CNTNAP5: variants seen among roughly 807,000 people sequenced by gnomAD.
The protein encoded by CNTNAP5 is contactin associated protein family member 5, also known as contactin-associated protein-like 5.
CNTNAP5 carries 72 observed loss-of-function variants against 150.2 expected under a neutral mutation model. The observed-to-expected ratio is 0.48, with a 90% CI of 0.40 to 0.58. CNTNAP5 has a LOEUF of 0.58. CNTNAP5 is among the 20% of genes least tolerant of loss of function. The pLI, the probability that CNTNAP5 is intolerant of heterozygous loss-of-function variation, is 0.00. For synonymous variants in CNTNAP5, 672 were observed against 619.8 expected (o/e 1.08, Z -1.25); for missense variants, 1,636 against 1,626.2 (o/e 1.01, Z -0.10).
intron 1 of CNTNAP5, among the ~76,000 whole-genome samples, chr2:124,126,039 C>T (rs1261450175): frequency 6.6e-6 from 1 of 152,036 alleles, no homozygotes; most frequent in Admixed American, 6.6e-5. Context: ...CAAAAGCTAG[C>T]AGAAGGCAAG....
At chr2:124,476,520 T>C (rs1281330812) in intron 7 of CNTNAP5, among the ~76,000 whole-genome samples, 1 of 146,074 alleles carries the variant, frequency 6.8e-6, no homozygotes, top group African/African-American at 2.8e-5. Context: ...AAACCATCTC[T>C]GAGACTGCTC....
At chr2:124,892,456 C>T (rs1678212726) in intron 21 of CNTNAP5, among the ~76,000 whole-genome samples, 1 of 152,060 alleles carries the variant, frequency 6.6e-6, no homozygotes, top group Admixed American at 6.5e-5. Context: ...TACTGGCAGC[C>T]ACCTCATCAT....
At chr2:124,840,815 C>G (rs1236440484) in intron 19 of CNTNAP5, among the ~76,000 whole-genome samples, 3 of 152,036 alleles carry the variant, frequency 2.0e-5, no homozygotes, top group African/African-American at 7.2e-5. Flanking sequence ...ATGAAAGTGC[C>G]TGGAGCCAGC....
chr2:124,515,521 T>G (rs945918046), intron 8 of CNTNAP5, among the ~76,000 whole-genome samples: 10 of 132,102 alleles, frequency 7.6e-5, no homozygotes, highest in Non-Finnish European at 1.5e-4. Flanking sequence ...ATTAACTTAC[T>G]AATTTATTCA....
chr2:124,104,934 A>G (rs1333677121), intron 1 of CNTNAP5, among the ~76,000 whole-genome samples: 1 of 151,532 alleles, frequency 6.6e-6, no homozygotes, highest in Non-Finnish European at 1.5e-5. Flanking sequence ...GTGCATAATC[A>G]TATACAGTTA....
chr2:124,062,403 C>A (rs972792922), intron 1 of CNTNAP5, among the ~76,000 whole-genome samples: 4 of 152,140 alleles, frequency 2.6e-5, no homozygotes, highest in African/African-American at 9.7e-5. Flanking sequence ...TACAATTGTA[C>A]TCAGTTGTTT....
chr2:124,835,894 G>A (rs577862298), intron 19 of CNTNAP5, among the ~76,000 whole-genome samples: 8 of 152,018 alleles, frequency 5.3e-5, no homozygotes, highest in Non-Finnish European at 1.2e-4. Context: ...TGTATCTCTT[G>A]TCCTAGATCA....
intron 3 of CNTNAP5, among the ~76,000 whole-genome samples, chr2:124,253,505 C>A (rs1209684553): frequency 6.6e-6 from 1 of 152,144 alleles, no homozygotes; most frequent in African/African-American, 2.4e-5. Flanking sequence ...AGCTGCCTTA[C>A]TTTAAAAAGC....
intron 3 of CNTNAP5, among the ~76,000 whole-genome samples, chr2:124,382,586 C>T (rs978040368): frequency 3.3e-5 from 5 of 152,122 alleles, no homozygotes; most frequent in African/African-American, 1.2e-4. Flanking sequence ...TGGGTTTTTG[C>T]ATAACATCTA....
chr2:124,626,302 C>G (rs944593618), intron 12 of CNTNAP5, among the ~76,000 whole-genome samples: 4 of 152,102 alleles, frequency 2.6e-5, no homozygotes, highest in Non-Finnish European at 5.9e-5. Context: ...AGAAAAGAAA[C>G]AGCTCTAGCC....
At chr2:124,869,489 GA>G (rs1429405714) in intron 20 of CNTNAP5, among the ~76,000 whole-genome samples, 185 bp from the exon 21 acceptor site, 2 of 152,144 alleles carry the variant, frequency 1.3e-5, no homozygotes, top group African/African-American at 4.8e-5. Flanking sequence ...AAAGAAGAAA[GA>G]AAGGGGTATT....
At chr2:124,482,942 T>G (rs1229026245) in intron 7 of CNTNAP5, among the ~76,000 whole-genome samples, 1 of 152,236 alleles carries the variant, frequency 6.6e-6, no homozygotes, top group South Asian at 2.1e-4. Flanking sequence ...GTCCTACATA[T>G]AAAAGTTTGC....
intron 3 of CNTNAP5, among the ~76,000 whole-genome samples, chr2:124,311,149 C>T (rs1161476818): frequency 2.6e-5 from 4 of 152,118 alleles, no homozygotes; most frequent in African/African-American, 9.7e-5. Context: ...TAGATTGTAT[C>T]TTTTTTCTAG....
intron 13 of CNTNAP5, among the ~76,000 whole-genome samples, chr2:124,730,513 C>A (rs1303117194): frequency 1.3e-5 from 2 of 151,936 alleles, no homozygotes; most frequent in Non-Finnish European, 2.9e-5. Context: ...TCTTCTCTAC[C>A]TTTTATGATG....
chr2:124,548,765 C>A (rs2104914407), intron 10 of CNTNAP5, among the ~76,000 whole-genome samples: 1 of 152,276 alleles, frequency 6.6e-6, no homozygotes, highest in Middle Eastern at 3.4e-3. Flanking sequence ...TTTACAAGAC[C>A]TTATTTAGCG....
At chr2:124,274,227 G>T (rs896726247) in intron 3 of CNTNAP5, among the ~76,000 whole-genome samples, 1 of 152,088 alleles carries the variant, frequency 6.6e-6, no homozygotes, top group African/African-American at 2.4e-5. Flanking sequence ...CATAGGTCAG[G>T]TGCTGAATAG....
chr2:124,213,150 A>G (rs1416006957), intron 1 of CNTNAP5, among the ~76,000 whole-genome samples: 1 of 151,722 alleles, frequency 6.6e-6, no homozygotes, highest in Non-Finnish European at 1.5e-5. Flanking sequence ...TGTGTAGATA[A>G]TTCTGCTCTT....
chr2:124,563,406 G>A, intron 11 of CNTNAP5, 83 bp downstream of exon 11: 1 of 789,786 alleles, frequency 1.3e-6, no homozygotes, highest in Non-Finnish European at 2.1e-6. Flanking sequence ...TATTTAGCAT[G>A]GGGCAGGCAT....
At position 124,242,556 on chromosome 2, in the gene CNTNAP5, T is replaced by G. The variant is rs1187782503; in HGVS notation, c.381+163T>G. 50 of 633,798 alleles carry G rather than the reference T, an allele frequency of 7.9e-5. No homozygotes were observed. The Middle Eastern group carries it at 2.9e-3, about 36-fold the overall frequency. 39.3% of individuals were successfully genotyped at this position (633,798 alleles called of 1,614,324 possible). On this transcript the variant is annotated intron_variant, in intron 3 of 23. Transcript: ENST00000682447. ...TTTTTAAGGCCCATGCCCGGCATGG[T>G]TCTACTTCCTAGGAAAATTAGGATG...
Sources: gnomAD v4.1 joint callset for allele counts (sites outside exome capture counted in the v4.1 genomes callset) on GRCh38, gnomAD v4.1.1 for gene constraint, MANE v1.5 for transcripts, NCBI Gene and HGNC (gene_info 2026-07-23, HGNC 2026-07-21) for gene names.